The following ADARB1 variants were observed in gnomAD, a reference collection of about 807,000 sequenced individuals.
The protein encoded by ADARB1 is double-stranded RNA-specific editase 1.
A neutral mutation model predicts 52.4 loss-of-function variants in ADARB1; 10 were observed. The observed-to-expected ratio is 0.19, with a 90% confidence interval of 0.12 to 0.32. The LOEUF is 0.32. Among genes scored for constraint, ADARB1 ranks in the 10% least tolerant of loss-of-function variants. The pLI is 1.00. For synonymous variants in ADARB1, 349 were observed against 371.1 expected (o/e 0.94, Z 0.68); for missense variants, 643 against 922.3 (o/e 0.70, Z 3.92).
chr21:45,144,955 A>T, intron 2 of ADARB1: 1 of 184,056 alleles, frequency 5.4e-6, no homozygotes, highest in South Asian at 1.1e-4. Context: ...CTCTTTATGA[A>T]AATGAAGGTA....
rs538175763 is a variant in ADARB1, at chr21:45,191,430, GC to G, written c.1565+6341del. Among the ~76,000 whole-genome samples, 582 of 152,286 alleles carry G rather than the reference GC, an allele frequency of 3.8e-3. 5 individuals are homozygous for G. The highest frequency in any genetic ancestry group is 7.1e-3 in the South Asian group (34 of 4,820). On this transcript the variant is annotated intron_variant, in intron 8 of 10. Transcript: ENST00000348831. ...TTTTCCTACAGGGTTTTAGTAGGTA[GC>G]CTTCATCATGCTAGGAAAATTCTGT...
chr21:45,125,125 T>C (rs2088494255), intron 1 of ADARB1, among the ~76,000 whole-genome samples: 1 of 152,230 alleles, frequency 6.6e-6, no homozygotes, highest in South Asian at 2.1e-4. Flanking sequence ...TTGGAGTTTC[T>C]TCATTTAACC....
In ADARB1 at chr21:45,096,857, A is replaced by G. The variant is rs2086784750; in HGVS notation, c.-220+22064A>G. The stretch of plus-strand genomic sequence containing the variant: ...CGGGTTCACACCATTCTCCTGCCTC[A>G]GCCTCCTGAGTAGCTGGAACCACAG... On this transcript the variant is annotated intron_variant, in intron 1 of 10. Transcript: ENST00000348831. Among the ~76,000 whole-genome samples the G allele has an allele frequency of 2.6e-5, 4 of 152,288 alleles. No individual in the cohort carries two copies. In the South Asian group the frequency reaches 8.3e-4, roughly 32 times the overall value.
intron 2 of ADARB1, among the ~76,000 whole-genome samples, chr21:45,158,001 C>G (rs1277506500): frequency 6.6e-6 from 1 of 152,250 alleles, no homozygotes; most frequent in Non-Finnish European, 1.5e-5. Context: ...TGCCCATCAC[C>G]TCTTTCCAGC....
intron 1 of ADARB1, among the ~76,000 whole-genome samples, chr21:45,094,090 C>T (rs2086662014): frequency 6.6e-6 from 1 of 152,114 alleles, no homozygotes; most frequent in South Asian, 2.1e-4. Flanking sequence ...ATTTAATGTT[C>T]TCTTTCATAA....
chr21:45,176,942 C>A lies in ADARB1; in HGVS notation c.963+278C>A. On this transcript the variant is annotated intron_variant, in intron 4 of 10. Coordinates refer to ENST00000348831, the MANE Select transcript of ADARB1 (RefSeq NM_001112.4). The surrounding 1 kb of genome is among the most constrained non-coding windows in gnomAD (Gnocchi z 5.8). ...GCAGTGTTTACAACACTATCCATAA[C>A]TCCCTTCCCGTTAGGCAACCCCCCC... The A allele has an allele frequency of 2.9e-6, 1 of 342,806 alleles. No homozygotes were observed. The highest frequency in any genetic ancestry group is 5.0e-6 in the Non-Finnish European group (1 of 201,752). The allele number at this position is 342,806 out of a possible 1,614,324, so 21.2% of individuals were successfully genotyped here.
chr21:45,178,887 AG>A (rs1434662228), intron 4 of ADARB1, among the ~76,000 whole-genome samples: 1 of 152,180 alleles, frequency 6.6e-6, no homozygotes, highest in African/African-American at 2.4e-5. Context: ...TGCGTTAACA[AG>A]CATCAGCCCC....
chr21:45,187,888 G>T (rs956547432), intron 8 of ADARB1, among the ~76,000 whole-genome samples: 3 of 152,006 alleles, frequency 2.0e-5, no homozygotes, highest in Non-Finnish European at 4.4e-5. Flanking sequence ...ATATGCTATT[G>T]AATTTGGTTT....
intron 2 of ADARB1, among the ~76,000 whole-genome samples, chr21:45,131,395 T>C (rs1483574000): frequency 6.6e-6 from 1 of 152,212 alleles, no homozygotes; most frequent in East Asian, 1.9e-4. Flanking sequence ...TGAGTGTATG[T>C]TAAAAGTATA....
At chr21:45,134,882 T>G (rs1227279618) in intron 2 of ADARB1, 5 of 522,330 alleles carry the variant, frequency 9.6e-6, no homozygotes, top group Non-Finnish European at 2.0e-5. Context: ...ACCACACCCC[T>G]GGCTGCCGTT....
chr21:45,167,872 AT>A (rs2091318238), intron 2 of ADARB1, among the ~76,000 whole-genome samples: 1 of 152,196 alleles, frequency 6.6e-6, no homozygotes. Context: ...TTGCTGAGTC[AT>A]GTGGTAGTTG....
intron 1 of ADARB1, among the ~76,000 whole-genome samples, chr21:45,127,189 C>T (rs372298980): frequency 1.1e-4 from 16 of 152,228 alleles, no homozygotes; most frequent in African/African-American, 3.4e-4. Flanking sequence ...GTGGAGGCAA[C>T]GCTGAAGGTC....
chr21:45,113,063 C>T (rs1379289733), intron 1 of ADARB1, among the ~76,000 whole-genome samples: 1 of 152,132 alleles, frequency 6.6e-6, no homozygotes, highest in Non-Finnish European at 1.5e-5. Flanking sequence ...GGGAAATCTA[C>T]TTGCCTTGCT....
intron 4 of ADARB1, among the ~76,000 whole-genome samples, chr21:45,179,073 G>A (rs180875718): frequency 1.3e-5 from 2 of 152,072 alleles, no homozygotes; most frequent in Admixed American, 6.5e-5. Flanking sequence ...CGAATGAATC[G>A]CCCTTTCCCT....
At chr21:45,164,427 G>T (rs13052503) in intron 2 of ADARB1, among the ~76,000 whole-genome samples, 2 of 151,920 alleles carry the variant, frequency 1.3e-5, no homozygotes, top group Non-Finnish European at 2.9e-5. Flanking sequence ...TGGAGGGGTG[G>T]AGGAGACCGA....
At chr21:45,210,322 G>T (rs954908114) in intron 9 of ADARB1, among the ~76,000 whole-genome samples, 1 of 152,190 alleles carries the variant, frequency 6.6e-6, no homozygotes, top group Non-Finnish European at 1.5e-5. Context: ...TTACGGACAC[G>T]GTGATAGGGG....
At chr21:45,094,868 C>A (rs932397151) in intron 1 of ADARB1, among the ~76,000 whole-genome samples, 1 of 152,126 alleles carries the variant, frequency 6.6e-6, no homozygotes, top group Non-Finnish European at 1.5e-5. Context: ...TTGAGGACCT[C>A]CATCAGCCGA....
In ADARB1 at chr21:45,224,059, G is replaced by T. The variant is rs190924198; in HGVS notation, c.*1862G>T. ...ACCTGCAGAAGGAGAGGGGTCTGTTGTCGCTGGCTTTCCCCCAAGCAGGCT... is the reference window on the plus strand; with the variant it reads ...ACCTGCAGAAGGAGAGGGGTCTGTTTTCGCTGGCTTTCCCCCAAGCAGGCT... On this transcript the variant is annotated 3_prime_UTR_variant, in exon 11 of 11. Coordinates refer to ENST00000348831, the MANE Select transcript of ADARB1 (RefSeq NM_001112.4). 1 of 985,468 alleles carries T rather than the reference G, an allele frequency of 1.0e-6. No individual in the cohort carries two copies. Among genetic ancestry groups the T allele is most frequent in the East Asian group, 1.1e-4 (1 of 8,806 alleles). The allele number at this position is 985,468 out of a possible 1,614,324, so 61.0% of individuals were successfully genotyped here.
Position 45,223,582 on chromosome 21 carries a change from G to A in ADARB1, c.*1385G>A. 1.0e-6 allele frequency: 1 copy of A among 985,738 alleles called. No homozygotes were observed. Among genetic ancestry groups the A allele is most frequent in the Non-Finnish European group, 1.2e-6 (1 of 830,176 alleles). 61.1% of individuals were successfully genotyped at this position (985,738 alleles called of 1,614,324 possible). A position where few individuals can be genotyped will look rare whatever the true frequency, so the allele number is the denominator to read the frequency against. ...AAGGCTCTAGAGGGTGTTCAGGTGGGTCTCCTGGGGCCATGGGGAGAGATT... is the reference window on the plus strand; with the variant it reads ...AAGGCTCTAGAGGGTGTTCAGGTGGATCTCCTGGGGCCATGGGGAGAGATT... On this transcript the variant is annotated 3_prime_UTR_variant, in exon 11 of 11. Transcript: ENST00000348831.
Sources: allele counts gnomAD v4.1 joint callset (sites outside exome capture counted in the v4.1 genomes callset), GRCh38; gene constraint gnomAD v4.1.1; non-coding constraint Gnocchi (gnomAD v3.1); transcripts MANE v1.5; gene names NCBI Gene and HGNC (gene_info 2026-07-23, HGNC 2026-07-21).